TPRG1: variants seen among roughly 807,000 people sequenced by gnomAD.
TPRG1 encodes tumor protein p63 regulated 1.
A neutral mutation model predicts 29.3 loss-of-function variants in TPRG1; 29 were observed. The observed-to-expected ratio is 0.99, with a 90% CI of 0.74 to 1.35. The LOEUF is 1.35. Ranked by LOEUF, TPRG1 falls within the 40% of genes most tolerant of loss-of-function variation. The pLI is 0.00. For missense variants in TPRG1, 327 were observed against 335.0 expected (o/e 0.98, Z 0.19); for synonymous variants, 130 against 116.8 (o/e 1.11, Z -0.73).
intron 4 of TPRG1, among the ~76,000 whole-genome samples, chr3:189,295,496 CAAAAAAA>C (rs368195264): frequency 7.0e-5 from 6 of 85,520 alleles, no homozygotes; most frequent in African/African-American, 9.8e-5. Flanking sequence ...ACTCAGATTG[CAAAAAAA>C]AAAAAAAAAA....
At position 189,103,662 on chromosome 3, in the gene TPRG1, A is replaced by G. The variant is rs151193957; in HGVS notation, c.-744+3458A>G. Among the ~76,000 whole-genome samples, 123 of 152,300 alleles carry G rather than the reference A, an allele frequency of 8.1e-4. 1 individual carries two copies. The highest frequency in any genetic ancestry group is 2.9e-3 in the African/African-American group (121 of 41,572). On this transcript the variant is annotated intron_variant, in intron 1 of 6. Transcript: ENST00000412373. ...AAAACAACCCCCAAAAGCCAAGCTC[A>G]CACCAAAAGAATTTTTTGAAGGATA...
chr3:189,231,993 CTT>C (rs556737145), intron 3 of TPRG1, among the ~76,000 whole-genome samples: 146 of 135,850 alleles, frequency 1.1e-3, no homozygotes, highest in Middle Eastern at 8.0e-3. Flanking sequence ...ATATCTATCT[CTT>C]TCAACTAAAA....
At chr3:189,145,081 C>T (rs991897900) in intron 3 of TPRG1, among the ~76,000 whole-genome samples, 10 of 151,996 alleles carry the variant, frequency 6.6e-5, no homozygotes, top group South Asian at 6.2e-4. Context: ...AAAATGACAC[C>T]GGCCGGGTGC....
intron 4 of TPRG1, among the ~76,000 whole-genome samples, chr3:189,045,061 G>C (rs746045387): frequency 2.0e-5 from 3 of 152,150 alleles, no homozygotes; most frequent in Non-Finnish European, 4.4e-5. Context: ...AATGTGTCCA[G>C]CATAAGCTGA....
intron 1 of TPRG1, among the ~76,000 whole-genome samples, chr3:189,194,601 G>A (rs145702063): frequency 6.6e-6 from 1 of 152,292 alleles, no homozygotes; most frequent in African/African-American, 2.4e-5. Flanking sequence ...CTACCCATGG[G>A]TGGGAGCTCA....
chr3:189,044,903 A>G (rs992512008), intron 4 of TPRG1, among the ~76,000 whole-genome samples: 2 of 152,226 alleles, frequency 1.3e-5, no homozygotes, highest in African/African-American at 4.8e-5. Context: ...TGAAAGGGCC[A>G]TAACATTAGA....
chr3:189,203,680 T>C (rs1578803054), intron 1 of TPRG1, among the ~76,000 whole-genome samples: 1 of 152,238 alleles, frequency 6.6e-6, no homozygotes, highest in South Asian at 2.1e-4. Flanking sequence ...ATTAATATTG[T>C]AGCATTTTGC....
chr3:189,248,580 C>T (rs756176218), intron 4 of TPRG1, among the ~76,000 whole-genome samples: 1 of 150,898 alleles, frequency 6.6e-6, no homozygotes, highest in East Asian at 1.9e-4. Context: ...ATATATTAAG[C>T]TTTCTGACTC....
rs1228794890 is a variant in TPRG1, at chr3:189,215,500, A to G, written c.302+117A>G. On this transcript the variant is annotated intron_variant, in intron 3 of 5. Transcript: ENST00000345063. ...TTTCTCTGGTTGCTACATAAGATAAATGATTGAATTACCAGGTTAGTCACA... is the reference window on the plus strand; with the variant it reads ...TTTCTCTGGTTGCTACATAAGATAAGTGATTGAATTACCAGGTTAGTCACA... The G allele has an allele frequency of 5.8e-6, 5 of 868,462 alleles. No homozygotes were observed. The Admixed American group carries it at 7.8e-5, about 14-fold the overall frequency. The allele number at this position is 868,462 out of a possible 1,614,324, so 53.8% of individuals were successfully genotyped here. A position where few individuals can be genotyped will look rare whatever the true frequency, so the allele number is the denominator to read the frequency against.
At chr3:189,026,500 G>A (rs1457329120) in intron 4 of TPRG1, among the ~76,000 whole-genome samples, 2 of 152,196 alleles carry the variant, frequency 1.3e-5, no homozygotes, top group Non-Finnish European at 2.9e-5. Context: ...TGCTGGGCAG[G>A]TGAGGTTTAT....
intron 4 of TPRG1, among the ~76,000 whole-genome samples, chr3:189,296,338 A>T (rs554729961): frequency 6.6e-6 from 1 of 152,394 alleles, no homozygotes; most frequent in Admixed American, 6.5e-5. Flanking sequence ...CTTAGAAATT[A>T]GAAATTATAT....
chr3:189,227,017 GA>G (rs768557896), intron 3 of TPRG1, among the ~76,000 whole-genome samples: 1 of 150,972 alleles, frequency 6.6e-6, no homozygotes, highest in Non-Finnish European at 1.5e-5. Context: ...CAACATGAAA[GA>G]AAAAAAATTG....
chr3:189,115,285 C>G (rs377171244), intron 1 of TPRG1, among the ~76,000 whole-genome samples: 2 of 152,218 alleles, frequency 1.3e-5, no homozygotes, highest in Admixed American at 1.3e-4. Flanking sequence ...TTGCCTTCCA[C>G]TATAAACTTC....
At chr3:189,228,312 A>G (rs948685105) in intron 3 of TPRG1, among the ~76,000 whole-genome samples, 1 of 152,220 alleles carries the variant, frequency 6.6e-6, no homozygotes, top group Non-Finnish European at 1.5e-5. Context: ...AACCAAAGAC[A>G]GTACAAAAAT....
chr3:189,137,296 A>ATGTGTGTGTGTGTGTG (rs10525363), intron 3 of TPRG1, among the ~76,000 whole-genome samples: 4 of 129,906 alleles, frequency 3.1e-5, no homozygotes, highest in East Asian at 2.3e-4. Context: ...AAACCCCAAA[A>ATGTGTGTGTGTGTGTG]TGTGTGTGTG....
At chr3:189,136,234 G>A (rs1429949546) in intron 3 of TPRG1, among the ~76,000 whole-genome samples, 1 of 152,168 alleles carries the variant, frequency 6.6e-6, no homozygotes, top group Non-Finnish European at 1.5e-5. Context: ...CTGTGTCCTG[G>A]TGGAGGGTGT....
intron 4 of TPRG1, among the ~76,000 whole-genome samples, chr3:189,041,507 A>G (rs1714633820): frequency 6.6e-6 from 1 of 152,144 alleles, no homozygotes; most frequent in Admixed American, 6.6e-5. Context: ...TAAGCACTCA[A>G]TGTGTGGGAG....
rs57653058 is a variant in TPRG1, at chr3:189,161,448, T to C, written c.-10+10576T>C. ...TTAGATTGCTTATTGCCTCCTAGCT[T>C]AATAAGTAGTAGGTTCTTTTTTTTT... On this transcript the variant is annotated intron_variant, in intron 5 of 6. Transcript: ENST00000412373. Among the ~76,000 whole-genome samples the C allele has an allele frequency of 8.9e-3, 1,255 of 141,088 alleles. 12 individuals are homozygous for C. The highest frequency in any genetic ancestry group is 0.034 in the African/African-American group (1,178 of 34,726). The allele number at this position is 141,088 out of a possible 152,430, so 92.6% of individuals were successfully genotyped here.
At chr3:189,283,838 C>T (rs1188860910) in intron 4 of TPRG1, among the ~76,000 whole-genome samples, 1 of 152,180 alleles carries the variant, frequency 6.6e-6, no homozygotes, top group African/African-American at 2.4e-5. Context: ...GATCACAGAG[C>T]TAGTAACTAG....
Sources: allele counts gnomAD v4.1 joint callset (sites outside exome capture counted in the v4.1 genomes callset), GRCh38; gene constraint gnomAD v4.1.1; transcripts MANE v1.5; gene names NCBI Gene and HGNC (gene_info 2026-07-23, HGNC 2026-07-21).